Variants in CACNA1C observed in about 807,000 individuals in gnomAD.
The protein encoded by CACNA1C is calcium voltage-gated channel subunit alpha1 C.
A neutral mutation model predicts 229.0 loss-of-function variants in CACNA1C; 30 were observed. That is an observed-to-expected ratio of 0.13 (90% confidence interval 0.10 to 0.18). The LOEUF is 0.18. Among genes scored for constraint, CACNA1C ranks in the 10% least tolerant of loss-of-function variants. The pLI is 1.00. For missense variants in CACNA1C, 1,658 were observed against 2,845.0 expected (o/e 0.58, Z 9.49); for synonymous variants, 1,114 against 1,132.5 (o/e 0.98, Z 0.33).
Position 2,648,338 on chromosome 12 carries a change from G to C in CACNA1C, c.3913-137G>C. Reference sequence around the variant, plus strand: ...ACGCCCCAGGACCTGCCAGGCCTACGCTTTCACGTTTCTTTCACTTGTTTC... The same window carrying C: ...ACGCCCCAGGACCTGCCAGGCCTACCCTTTCACGTTTCTTTCACTTGTTTC... On this transcript the variant is annotated intron_variant, in intron 30 of 46. Coordinates refer to ENST00000399655, the MANE Select transcript of CACNA1C (RefSeq NM_000719.7). The C allele has an allele frequency of 6.3e-6, 5 of 796,576 alleles. 1 individual carries two copies. In the South Asian group the frequency reaches 7.5e-5, roughly 12 times the overall value. 49.3% of individuals were successfully genotyped at this position (796,576 alleles called of 1,614,324 possible).
intron 1 of CACNA1C, among the ~76,000 whole-genome samples, chr12:2,055,883 A>G (rs929779113): frequency 1.3e-5 from 2 of 151,756 alleles, no homozygotes; most frequent in African/African-American, 4.8e-5. Flanking sequence ...AGGAGAGGGG[A>G]GGAGGGTGGT....
At chr12:2,539,165 G>A (rs544201994) in intron 9 of CACNA1C, among the ~76,000 whole-genome samples, 1 of 152,218 alleles carries the variant, frequency 6.6e-6, no homozygotes, top group Non-Finnish European at 1.5e-5. Context: ...GTCGGTCAGT[G>A]TCCCCATGGA....
chr12:2,506,686 G>A (rs774664019), intron 8 of CACNA1C, among the ~76,000 whole-genome samples: 5 of 152,158 alleles, frequency 3.3e-5, no homozygotes, highest in South Asian at 2.1e-4. Flanking sequence ...TTTGTACAAC[G>A]TCACTTCCCT....
At chr12:2,395,078 A>G (rs2098547392) in intron 3 of CACNA1C, among the ~76,000 whole-genome samples, 1 of 151,974 alleles carries the variant, frequency 6.6e-6, no homozygotes, top group Non-Finnish European at 1.5e-5. Flanking sequence ...GGAGTGTAGT[A>G]GCACAGTCAT....
Position 2,653,093 on chromosome 12 carries a change from T to C in CACNA1C, c.4075-742T>C, listed in dbSNP as rs1211225872. Among the ~76,000 whole-genome samples the C allele has an allele frequency of 6.6e-6, 1 of 152,186 alleles. No individual in the cohort carries two copies. Among genetic ancestry groups the C allele is most frequent in the Non-Finnish European group, 1.5e-5 (1 of 68,020 alleles). ...GGGGACCATGGCCTGTCCCCAGAAG[T>C]CACGGGGGCTCTGGAAAATTAGTTG... On this transcript the variant is annotated intron_variant, in intron 32 of 46. Transcript: ENST00000399655. This position sits in a 1 kb window ranked among gnomAD's most constrained non-coding sequence, Gnocchi z 4.7.
chr12:2,593,262 A>T lies in CACNA1C; in HGVS notation c.2580A>T (p.Arg860=). The change falls in exon 19 of 47, where the codon CGA becomes CGT. Residue 860 remains arginine, a synonymous_variant. Transcript: ENST00000399655. ...AGATGCCTGTCGGCCCTCGCCCACG[A>T]CCACTCTCTGAGCTTCACCTTAAGG... ...EPEMPVGPRP[R]PLSELHLKEK... is the part of the protein sequence containing the mutation. 1 of 1,613,780 alleles carries T rather than the reference A, an allele frequency of 6.2e-7. No homozygotes were observed. The highest frequency in any genetic ancestry group is 8.5e-7 in the Non-Finnish European group (1 of 1,179,832).
intron 3 of CACNA1C, among the ~76,000 whole-genome samples, chr12:2,282,682 G>C (rs138495839): frequency 3.9e-5 from 6 of 152,154 alleles, no homozygotes; most frequent in African/African-American, 1.4e-4. Context: ...GTCTGGCTGC[G>C]GCAGGTCTCA....
intron 1 of CACNA1C, among the ~76,000 whole-genome samples, chr12:2,113,391 C>T (rs1162582848): frequency 3.3e-5 from 5 of 152,078 alleles, no homozygotes; most frequent in Non-Finnish European, 2.9e-5. Context: ...AAGGATCAGC[C>T]CAAGATAAGA....
At chr12:2,219,146 G>C (rs1372713642) in intron 3 of CACNA1C, among the ~76,000 whole-genome samples, 4 of 152,216 alleles carry the variant, frequency 2.6e-5, no homozygotes, top group Non-Finnish European at 5.9e-5. Context: ...TTTTATGATG[G>C]TCATAAGCGC....
At chr12:2,568,605 G>C (rs2052577321) in intron 13 of CACNA1C, among the ~76,000 whole-genome samples, 1 of 152,212 alleles carries the variant, frequency 6.6e-6, no homozygotes, top group African/African-American at 2.4e-5. Context: ...AGGAAATCCT[G>C]ACACATGCTA....
chr12:2,621,648 G>A (rs1376408340), intron 29 of CACNA1C, among the ~76,000 whole-genome samples: 1 of 152,220 alleles, frequency 6.6e-6, no homozygotes, highest in East Asian at 1.9e-4. Context: ...TGGGAAGGCA[G>A]GTGGCAGTGG....
At chr12:2,045,870 T>C (rs1473849205) in intron 1 of CACNA1C, among the ~76,000 whole-genome samples, 1 of 151,888 alleles carries the variant, frequency 6.6e-6, no homozygotes, top group Non-Finnish European at 1.5e-5. Flanking sequence ...CTTAAGAATT[T>C]TGAGATGAAG....
Position 2,581,805 on chromosome 12 carries a change from C to T in CACNA1C, c.2103+8C>T, listed in dbSNP as rs574529871. 7 of 1,541,480 alleles carry T rather than the reference C, an allele frequency of 4.5e-6. No individual in the cohort carries two copies. The East Asian group carries it at 1.4e-4, about 30-fold the overall frequency. On this transcript the variant is annotated splice_region_variant and intron_variant, in intron 14 of 46. Transcript: ENST00000399655. ...CTCCTCACTGTGTTTCAGGTATGGA[C>T]TCTTCTCTGCTGGGATTCGGACTCG...
At chr12:2,465,706 A>G (rs2099546411) in intron 5 of CACNA1C, among the ~76,000 whole-genome samples, 1 of 152,176 alleles carries the variant, frequency 6.6e-6, no homozygotes, top group Admixed American at 6.5e-5. Context: ...CACTGCAGAG[A>G]CAGCTAAGTG....
rs2099650602 is a variant in CACNA1C at position 2,479,146 on chromosome 12, G to A, written c.758-6958G>A. On this transcript the variant is annotated intron_variant, in intron 5 of 46. Coordinates refer to ENST00000399655, the MANE Select transcript of CACNA1C (RefSeq NM_000719.7). The surrounding 1 kb of genome is among the most constrained non-coding windows in gnomAD (Gnocchi z 4.3). ...TTCAAGGGCAGTTATGGGGCTCGGTGGGCACAGTAAGGACAGTGCCCTTCA... is the reference window on the plus strand; with the variant it reads ...TTCAAGGGCAGTTATGGGGCTCGGTAGGCACAGTAAGGACAGTGCCCTTCA... Among the ~76,000 whole-genome samples, 3 of 152,032 alleles carry A rather than the reference G, an allele frequency of 2.0e-5. No individual in the cohort carries two copies. Among genetic ancestry groups the A allele is most frequent in the African/African-American group, 4.8e-5 (2 of 41,416 alleles).
intron 1 of CACNA1C, among the ~76,000 whole-genome samples, chr12:2,106,884 G>GGGC (rs1315370911): frequency 6.7e-5 from 5 of 74,172 alleles, no homozygotes; most frequent in Non-Finnish European, 1.3e-4. Flanking sequence ...ACCTCAGCTG[G>GGGC]GCATCCTGAA....
intron 3 of CACNA1C, among the ~76,000 whole-genome samples, chr12:2,137,623 C>T (rs997320494): frequency 2.7e-5 from 4 of 150,764 alleles, no homozygotes; most frequent in African/African-American, 9.7e-5. Context: ...AACATAGAGG[C>T]ATTATTGTGA....
intron 34 of CACNA1C, among the ~76,000 whole-genome samples, chr12:2,657,793 A>G (rs2153680447): frequency 2.0e-5 from 3 of 152,310 alleles, no homozygotes; most frequent in Admixed American, 2.0e-4. Flanking sequence ...AACGAATACC[A>G]TGTAAGGCTC....
At chr12:2,299,897 C>T (rs1337215733) in intron 3 of CACNA1C, among the ~76,000 whole-genome samples, 1 of 152,198 alleles carries the variant, frequency 6.6e-6, no homozygotes, top group Non-Finnish European at 1.5e-5. Context: ...TTTCTGCTTC[C>T]TAAGAGTGTT....
Sources: allele counts gnomAD v4.1 joint callset (sites outside exome capture counted in the v4.1 genomes callset), GRCh38; gene constraint gnomAD v4.1.1; non-coding constraint Gnocchi (gnomAD v3.1); transcripts MANE v1.5; gene names NCBI Gene and HGNC (gene_info 2026-07-23, HGNC 2026-07-21).